The following AOPEP variants were observed in gnomAD, a reference collection of about 807,000 sequenced individuals.
The protein encoded by AOPEP is aminopeptidase O (putative).
AOPEP carries 77 observed loss-of-function variants against 98.1 expected under a neutral mutation model. The observed-to-expected ratio is 0.78, with a 90% CI of 0.65 to 0.95. The LOEUF (loss-of-function observed/expected upper bound fraction) is 0.95, where lower values mean the gene tolerates loss of function less well. Ranked by LOEUF, AOPEP falls within the 40% of genes least tolerant of loss-of-function variation. AOPEP has a pLI of 0.00. For missense variants in AOPEP, 1,024 were observed against 1,024.7 expected (o/e 1.00, Z 0.01); for synonymous variants, 346 against 365.3 (o/e 0.95, Z 0.60).
At chr9:94,861,277 T>A (rs1276070006) in intron 5 of AOPEP, among the ~76,000 whole-genome samples, 1 of 152,228 alleles carries the variant, frequency 6.6e-6, no homozygotes, top group Admixed American at 6.5e-5. Context: ...TGAAATCCAC[T>A]GAGCTTCAGA....
the AOPEP span, among the ~76,000 whole-genome samples, chr9:95,096,978 A>ATGTC: frequency 3.7e-3 from 562 of 152,268 alleles, 15 homozygotes; most frequent in East Asian, 0.05. Context: ...GGATTGGGCA[A>ATGTC]TGTCTGGAGA....
intron 13 of AOPEP, among the ~76,000 whole-genome samples, chr9:95,022,802 T>C (rs2063560436): frequency 2.0e-5 from 3 of 152,132 alleles, no homozygotes; most frequent in African/African-American, 7.2e-5. Flanking sequence ...GCAGGAAAAA[T>C]GTTTGTCTGT....
chr9:95,090,301 G>A (rs573383016), downstream of AOPEP, among the ~76,000 whole-genome samples: 12 of 152,258 alleles, frequency 7.9e-5, no homozygotes, highest in Admixed American at 6.5e-5. Context: ...GAGAACAAAC[G>A]GATGCCGGGT....
chr9:95,124,047 T>C, the AOPEP span, among the ~76,000 whole-genome samples: 1 of 127,732 alleles, frequency 7.8e-6, no homozygotes, highest in South Asian at 2.4e-4. Flanking sequence ...GAGACTGCAG[T>C]AAACTGAGAT....
At chr9:94,751,319 C>A (rs1835720695) in intron 1 of AOPEP, among the ~76,000 whole-genome samples, 1 of 152,076 alleles carries the variant, frequency 6.6e-6, no homozygotes, top group African/African-American at 2.4e-5. Context: ...TCCACTATTA[C>A]CAGAAGTGGT....
chr9:94,910,401 G>T (rs2051845361), intron 5 of AOPEP, among the ~76,000 whole-genome samples: 1 of 152,188 alleles, frequency 6.6e-6, no homozygotes, highest in Non-Finnish European at 1.5e-5. Context: ...TTGTCCTCTG[G>T]CTTCCGAGCG....
intron 5 of AOPEP, among the ~76,000 whole-genome samples, chr9:94,822,764 G>A (rs1012942111): frequency 2.6e-5 from 4 of 152,274 alleles, no homozygotes; most frequent in Non-Finnish European, 5.9e-5. Flanking sequence ...TCTGTGCCTC[G>A]TGTTGCGCTG....
At position 95,005,271 on chromosome 9, in the gene AOPEP, C is replaced by G. The variant is rs1029935630; in HGVS notation, c.2040+51C>G. ...CGCCCCGGTGGCGCCGGCGCGAGAC[C>G]GCGGCTGGCGAGAGGCCCTGGCTCT... On this transcript the variant is annotated intron_variant, in intron 12 of 16. Transcript: ENST00000375315. 1.3e-5 allele frequency: 13 copies of G among 966,876 alleles called. No homozygotes were observed. In the African/African-American group the frequency reaches 1.9e-4, roughly 14 times the overall value. The allele number at this position is 966,876 out of a possible 1,614,324, so 59.9% of individuals were successfully genotyped here. A position where few individuals can be genotyped will look rare whatever the true frequency, so the allele number is the denominator to read the frequency against.
At chr9:94,779,402 G>A (rs2133093212) in intron 3 of AOPEP, among the ~76,000 whole-genome samples, 1 of 152,266 alleles carries the variant, frequency 6.6e-6, no homozygotes, top group Admixed American at 6.5e-5. Context: ...GTTTGGCCCT[G>A]CAGTAAAGCC....
At chr9:95,111,655 CACA>C in the AOPEP span, 1 of 1,614,094 alleles carries the variant, frequency 6.2e-7, no homozygotes, top group Non-Finnish European at 8.5e-7. Flanking sequence ...AGAGGCAGAA[CACA>C]TGGCAGTTGA....
intron 10 of AOPEP, among the ~76,000 whole-genome samples, chr9:94,977,059 C>T (rs1442335456): frequency 1.3e-5 from 2 of 152,208 alleles, no homozygotes; most frequent in Non-Finnish European, 2.9e-5. Flanking sequence ...ACAGAAACGT[C>T]CCTCTCTGGC....
At chr9:95,000,251 C>T (rs544198996) in intron 11 of AOPEP, among the ~76,000 whole-genome samples, 2 of 152,288 alleles carry the variant, frequency 1.3e-5, no homozygotes, top group South Asian at 2.1e-4. Flanking sequence ...CTGATGCTGA[C>T]GCCAGGGAGA....
chr9:95,092,773 G>A, the AOPEP span, among the ~76,000 whole-genome samples: 1 of 152,088 alleles, frequency 6.6e-6, no homozygotes, highest in Non-Finnish European at 1.5e-5. Flanking sequence ...GTCCTCCCTT[G>A]CCACAACGAG....
At chr9:95,023,823 TG>T (rs2063641779) in intron 13 of AOPEP, among the ~76,000 whole-genome samples, 1 of 152,194 alleles carries the variant, frequency 6.6e-6, no homozygotes. Context: ...ACAGAAGAAA[TG>T]GGTCCAGTGT....
At chr9:94,770,773 G>A (rs1387716285) in intron 2 of AOPEP, among the ~76,000 whole-genome samples, 3 of 152,222 alleles carry the variant, frequency 2.0e-5, no homozygotes, top group African/African-American at 2.4e-5. Flanking sequence ...GCATTATCAC[G>A]GCCTGTATAC....
Position 94,759,637 on chromosome 9 carries a change from CT to C in AOPEP, c.-135-6del. On this transcript the variant is annotated splice_polypyrimidine_tract_variant and intron_variant, in intron 1 of 16. Coordinates refer to ENST00000375315, the MANE Select transcript of AOPEP (RefSeq NM_001193329.3). ...TGGAATTTTATCTAATTGTGCTTTC[CT>C]TTTTTGCCAGGAGACTGAAAGGAAC... The C allele has an allele frequency of 1.5e-6, 1 of 659,652 alleles. No individual in the cohort carries two copies. Among genetic ancestry groups the C allele is most frequent in the Non-Finnish European group, 2.5e-6 (1 of 399,314 alleles). The allele number at this position is 659,652 out of a possible 1,614,324, so 40.9% of individuals were successfully genotyped here. A position where few individuals can be genotyped will look rare whatever the true frequency, so the allele number is the denominator to read the frequency against.
chr9:94,882,052 G>A (rs1219619524), intron 5 of AOPEP, among the ~76,000 whole-genome samples: 1 of 152,184 alleles, frequency 6.6e-6, no homozygotes, highest in Non-Finnish European at 1.5e-5. Flanking sequence ...GGGCTAGGGA[G>A]TCCTTTACTA....
chr9:94,995,549 G>A (rs1193778691), intron 11 of AOPEP, among the ~76,000 whole-genome samples: 2 of 152,112 alleles, frequency 1.3e-5, no homozygotes, highest in Admixed American at 1.3e-4. Flanking sequence ...AGGGTGACAT[G>A]TAAAAACAGC....
Position 94,932,775 on chromosome 9 carries a change from C to T in AOPEP, c.1661+4244C>T, listed in dbSNP as rs559404334. On this transcript the variant is annotated intron_variant, in intron 7 of 16. Coordinates refer to ENST00000375315, the MANE Select transcript of AOPEP (RefSeq NM_001193329.3). ...CTGGGATTATAGGCGTGAACCACTGCGCCCAGCCCAGATGTTTCTTAGATT... is the reference window on the plus strand; with the variant it reads ...CTGGGATTATAGGCGTGAACCACTGTGCCCAGCCCAGATGTTTCTTAGATT... 123 of 984,962 alleles carry T rather than the reference C, an allele frequency of 1.2e-4. No homozygotes were observed. The South Asian group carries it at 4.6e-3, about 37-fold the overall frequency. The allele number at this position is 984,962 out of a possible 1,614,324, so 61.0% of individuals were successfully genotyped here. A position where few individuals can be genotyped will look rare whatever the true frequency, so the allele number is the denominator to read the frequency against.
Sources: gnomAD v4.1 joint callset for allele counts (sites outside exome capture counted in the v4.1 genomes callset) on GRCh38, gnomAD v4.1.1 for gene constraint, MANE v1.5 for transcripts, NCBI Gene and HGNC (gene_info 2026-07-23, HGNC 2026-07-21) for gene names.